The following RND3 variants were observed in gnomAD, a reference collection of about 807,000 sequenced individuals.
RND3 encodes Rho family GTPase 3.
RND3 carries 8 observed loss-of-function variants against 26.5 expected under a neutral mutation model. That is an observed-to-expected ratio of 0.30 (90% confidence interval 0.18 to 0.54). RND3 has a LOEUF of 0.54. RND3 is among the 20% of genes least tolerant of loss of function. The pLI is 0.94. For missense variants in RND3, 207 were observed against 302.8 expected (o/e 0.68, Z 2.35); for synonymous variants, 113 against 113.0 (o/e 1.00, Z 0.00).
At chr2:150,487,235 C>A (rs1686393419) in intron 2 of RND3, 33 bp downstream of exon 2, 2 of 1,547,358 alleles carry the variant, frequency 1.3e-6, no homozygotes, top group African/African-American at 1.4e-5. Flanking sequence ...ACTGGCCGAC[C>A]CCCTCGTGGA....
intron 3 of RND3, among the ~76,000 whole-genome samples, chr2:150,482,781 T>G (rs572101255): frequency 1.3e-5 from 2 of 151,974 alleles, no homozygotes; most frequent in African/African-American, 4.8e-5. Flanking sequence ...ATCCAGAGGA[T>G]CTATAAGCCC....
At chr2:150,481,955 G>A (rs1034724845) in intron 3 of RND3, among the ~76,000 whole-genome samples, 3 of 152,026 alleles carry the variant, frequency 2.0e-5, no homozygotes, top group African/African-American at 7.3e-5. Flanking sequence ...TCATATTAAG[G>A]CCATTAGGTA....
intron 3 of RND3, among the ~76,000 whole-genome samples, chr2:150,477,242 A>G (rs1026786729): frequency 6.6e-6 from 1 of 152,124 alleles, no homozygotes; most frequent in African/African-American, 2.4e-5. Flanking sequence ...CAGACCTGGT[A>G]TCTTTAGAGA....
At chr2:150,472,053 CAAT>C (rs1471572219) in intron 4 of RND3, 1 of 313,676 alleles carries the variant, frequency 3.2e-6, no homozygotes, top group South Asian at 3.9e-5. Flanking sequence ...AAGGTAGCTT[CAAT>C]AATGTCTTAA....
At chr2:150,476,922 T>A (rs1207175850) in intron 3 of RND3, among the ~76,000 whole-genome samples, 1 of 152,214 alleles carries the variant, frequency 6.6e-6, no homozygotes, top group Non-Finnish European at 1.5e-5. Flanking sequence ...AACTAGAACC[T>A]TTCCTGTTTC....
chr2:150,471,884 C>T (rs910051949), intron 4 of RND3, 123 bp from the exon 5 acceptor site: 3 of 799,528 alleles, frequency 3.8e-6, no homozygotes, highest in Non-Finnish European at 5.8e-6. Context: ...AATGGAGTGT[C>T]CCTTGAGATG....
chr2:150,480,378 T>C (rs1686250470), intron 3 of RND3, among the ~76,000 whole-genome samples: 1 of 152,144 alleles, frequency 6.6e-6, no homozygotes, highest in Admixed American at 6.5e-5. Context: ...AGGGAGACTC[T>C]GAGAAAGTGA....
chr2:150,483,530 G>A (rs532288984), intron 3 of RND3, among the ~76,000 whole-genome samples: 68 of 152,106 alleles, frequency 4.5e-4, no homozygotes, highest in Non-Finnish European at 8.8e-4. Flanking sequence ...AAAAATAAAT[G>A]TATCAAGAGG....
chr2:150,486,498 C>T lies in RND3; in HGVS notation c.238+196G>A, dbSNP rs1008729753. On this transcript the variant is annotated intron_variant, in intron 3 of 5. Transcript: ENST00000263895. This position sits in a 1 kb window ranked among gnomAD's most constrained non-coding sequence, Gnocchi z 4.5. ...GCGGGCACACAGCGCTCTCCTCTCC[C>T]CACTGCTATCTCCTCGTCCACGCTG... Among the ~76,000 whole-genome samples the T allele has an allele frequency of 2.0e-5, 3 of 152,256 alleles. No individual in the cohort carries two copies. The highest frequency in any genetic ancestry group is 1.3e-4 in the Admixed American group (2 of 15,290).
intron 3 of RND3, among the ~76,000 whole-genome samples, chr2:150,479,238 C>T (rs184527145): frequency 4.6e-5 from 7 of 152,282 alleles, no homozygotes; most frequent in African/African-American, 1.7e-4. Flanking sequence ...ATAGTCACAA[C>T]GTGCCTCACC....
Position 150,487,282 on chromosome 2 carries a change from C to T in RND3, c.136G>A (p.Asp46Asn). ...KTALLHVFAK[D>N]CFPENYVPTV... ...GCCACACTCACCTCGGGGAAGCAGTCCTTGGCGAAGACATGGAGCAGCGCA... is the reference window on the plus strand; with the variant it reads ...GCCACACTCACCTCGGGGAAGCAGTTCTTGGCGAAGACATGGAGCAGCGCA... The change falls in exon 2 of 6, where the codon GAC (aspartate) becomes AAC (asparagine). Residue 46 changes from aspartate to asparagine, a missense_variant. By Grantham distance (23) the Asp-to-Asn change is conservative. Coordinates refer to ENST00000263895, the MANE Select transcript of RND3 (RefSeq NM_005168.5). 1 of 1,597,046 alleles carries T rather than the reference C, an allele frequency of 6.3e-7. No homozygotes were observed. The highest frequency in any genetic ancestry group is 1.1e-5 in the South Asian group (1 of 88,806).
chr2:150,480,556 G>C (rs1284222649), intron 3 of RND3, among the ~76,000 whole-genome samples: 1 of 151,966 alleles, frequency 6.6e-6, no homozygotes, highest in Non-Finnish European at 1.5e-5. Context: ...GAAACATCTG[G>C]TTATTTCGGG....
chr2:150,471,432 G>C (rs1686086804), intron 5 of RND3, among the ~76,000 whole-genome samples, 195 bp downstream of exon 5: 1 of 152,166 alleles, frequency 6.6e-6, no homozygotes. Context: ...AAATATACAA[G>C]GTTAGCATAT....
intron 2 of RND3, 126 bp downstream of exon 2, chr2:150,487,142 A>G (rs1686386986): frequency 1.2e-6 from 1 of 821,650 alleles, no homozygotes; most frequent in Non-Finnish European, 1.8e-6. Context: ...GTAAGGACCG[A>G]GAAAGACTTT....
intron 3 of RND3, among the ~76,000 whole-genome samples, chr2:150,477,315 T>C (rs1207834685): frequency 6.6e-6 from 1 of 152,216 alleles, no homozygotes; most frequent in Non-Finnish European, 1.5e-5. Context: ...GAGTACTCAC[T>C]GCTAATTCCA....
rs1003357823 is a variant in RND3, at chr2:150,469,213, G to A, written c.*774C>T. 2 of 152,418 alleles carry A rather than the reference G, an allele frequency of 1.3e-5. No individual in the cohort carries two copies. The highest frequency in any genetic ancestry group is 2.9e-5 in the Non-Finnish European group (2 of 68,016). 9.4% of individuals were successfully genotyped at this position (152,418 alleles called of 1,614,324 possible). On this transcript the variant is annotated 3_prime_UTR_variant, in exon 6 of 6. Transcript: ENST00000263895. ...AAAAATCACACAACTTCTAAACAGC[G>A]CACAAAAATATTACATTGAGCAATT...
intron 3 of RND3, among the ~76,000 whole-genome samples, chr2:150,482,798 G>A (rs1019535201): frequency 6.6e-6 from 1 of 152,126 alleles, no homozygotes; most frequent in African/African-American, 2.4e-5. Context: ...GCCCTAGGAT[G>A]TCTGACAAAG....
In RND3 at chr2:150,469,967, C is replaced by T. The variant is rs1272939291; in HGVS notation, c.*20G>A. 4 of 1,611,640 alleles carry T rather than the reference C, an allele frequency of 2.5e-6. No individual in the cohort carries two copies. The highest frequency in any genetic ancestry group is 3.4e-6 in the Non-Finnish European group (4 of 1,178,398). On this transcript the variant is annotated 3_prime_UTR_variant, in exon 6 of 6. Coordinates refer to ENST00000263895, the MANE Select transcript of RND3 (RefSeq NM_005168.5). ...TTTTTACACTAGATTCCTTTGTCTTCATTAAAGATAATGAAAGATTCACAT... is the reference window on the plus strand; with the variant it reads ...TTTTTACACTAGATTCCTTTGTCTTTATTAAAGATAATGAAAGATTCACAT...
chr2:150,474,785 G>A (rs1686139816), intron 4 of RND3, 90 bp downstream of exon 4: 2 of 702,018 alleles, frequency 2.8e-6, no homozygotes, highest in Non-Finnish European at 2.5e-6. Context: ...GCAGGGAATT[G>A]ATTAGAGTCT....
Sources: gnomAD v4.1 joint callset for allele counts (sites outside exome capture counted in the v4.1 genomes callset) on GRCh38, gnomAD v4.1.1 for gene constraint, Gnocchi (gnomAD v3.1) non-coding constraint, MANE v1.5 for transcripts, NCBI Gene and HGNC (gene_info 2026-07-23, HGNC 2026-07-21) for gene names.